The following ITLN1 variants were observed in gnomAD, a reference collection of about 807,000 sequenced individuals.
ITLN1 encodes the protein intelectin-1.
ITLN1 carries 29 observed loss-of-function variants against 36.2 expected under a neutral mutation model. The ratio of observed to expected loss-of-function variants is 0.80; its 90% CI spans 0.60 to 1.09. The LOEUF is 1.09. ITLN1 is among the 50% of genes least tolerant of loss of function. ITLN1 has a pLI of 0.00. For synonymous variants in ITLN1, 143 were observed against 146.5 expected (o/e 0.98, Z 0.17); for missense variants, 358 against 405.2 (o/e 0.88, Z 1.00).
intron 6 of ITLN1, among the ~76,000 whole-genome samples, chr1:160,880,028 G>A (rs143092557): frequency 7.9e-5 from 12 of 152,196 alleles, no homozygotes; most frequent in East Asian, 1.9e-4. Context: ...GAGCCTGGCC[G>A]GGCGTGGTGG....
intron 2 of ITLN1, among the ~76,000 whole-genome samples, chr1:160,884,169 G>A (rs1361854559): frequency 2.6e-5 from 4 of 151,766 alleles, no homozygotes; most frequent in Non-Finnish European, 4.4e-5. Flanking sequence ...AAAATACAGC[G>A]TAGTCCAGCT....
In ITLN1 at chr1:160,876,740, C is replaced by T; in HGVS notation, c.866G>A (p.Ser289Asn). 5 of 1,614,188 alleles carry T rather than the reference C, an allele frequency of 3.1e-6. No individual in the cohort carries two copies. Among genetic ancestry groups the T allele is most frequent in the African/African-American group, 2.7e-5 (2 of 75,050 alleles). Residue 289 changes from serine (S) to asparagine (N), a missense_variant, in exon 8 of 8, where the codon AGT becomes AAT. Physicochemically the swap from Ser to Asn is conservative, Grantham distance 46. Transcript: ENST00000326245. ...GTAACCAACATGAGTTCCATATCCACTCCAATCAAAACCAGAAAAATCTCC... is the reference window on the plus strand; with the variant it reads ...GTAACCAACATGAGTTCCATATCCATTCCAATCAAAACCAGAAAAATCTCC... Reference protein sequence around the residue: ...QCGDFSGFDWSGYGTHVGYSS... With the variant: ...QCGDFSGFDWNGYGTHVGYSS...
Position 160,883,474 on chromosome 1 carries a change from C to T in ITLN1, c.111G>A (p.Leu37=). ...KEWTCSSSPS[L]PRSCKEIKDE... ...CTTTGATTTCCTTGCAGCTTCTGGG[C>T]AGAGATGGAGACGAAGAACAGGTCC... The change falls in exon 3 of 8, where the codon CTG becomes CTA. Residue 37 remains leucine, a synonymous_variant. Coordinates refer to ENST00000326245, the MANE Select transcript of ITLN1 (RefSeq NM_017625.3). 1.2e-6 allele frequency: 2 copies of T among 1,613,760 alleles called. No homozygotes were observed. The highest frequency in any genetic ancestry group is 1.7e-6 in the Non-Finnish European group (2 of 1,179,726).
At chr1:160,879,530 T>G in intron 6 of ITLN1, 116 bp from the exon 7 acceptor site, 2 of 758,208 alleles carry the variant, frequency 2.6e-6, no homozygotes, top group African/African-American at 1.7e-5. Context: ...ACTCCAGCTG[T>G]ACTGGTGGAG....
Position 160,876,583 on chromosome 1 carries a change from T to C in ITLN1, c.*81A>G. 7.2e-7 allele frequency: 1 copy of C among 1,389,108 alleles called. No individual in the cohort carries two copies. The highest frequency in any genetic ancestry group is 1.3e-5 in the South Asian group (1 of 79,672). 86.0% of individuals were successfully genotyped at this position (1,389,108 alleles called of 1,614,324 possible). A position where few individuals can be genotyped will look rare whatever the true frequency, so the allele number is the denominator to read the frequency against. On this transcript the variant is annotated 3_prime_UTR_variant, in exon 8 of 8. Coordinates refer to ENST00000326245, the MANE Select transcript of ITLN1 (RefSeq NM_017625.3). The stretch of plus-strand genomic sequence containing the variant: ...TTGTTTTCTCTTCTGCCATTAACAT[T>C]CTAGCTACTGGGTAAGTTGTTCTCC...
At chr1:160,877,727 C>A (rs1338619740) in intron 7 of ITLN1, among the ~76,000 whole-genome samples, 1 of 152,186 alleles carries the variant, frequency 6.6e-6, no homozygotes, top group African/African-American at 2.4e-5. Context: ...AATCTCATGT[C>A]GAATTGTAAT....
At chr1:160,884,386 C>T (rs73029707) in intron 2 of ITLN1, among the ~76,000 whole-genome samples, 1,564 of 152,004 alleles carry the variant, frequency 0.01, 26 homozygotes, top group African/African-American at 0.036. Context: ...GAAGATATTT[C>T]GAAACAGCCT....
Position 160,876,605 on chromosome 1 carries a change from C to T in ITLN1, c.*59G>A. 6.4e-7 allele frequency: 1 copy of T among 1,556,220 alleles called. No homozygotes were observed. The highest frequency in any genetic ancestry group is 1.1e-5 in the South Asian group (1 of 87,998). On this transcript the variant is annotated 3_prime_UTR_variant, in exon 8 of 8. Coordinates refer to ENST00000326245, the MANE Select transcript of ITLN1 (RefSeq NM_017625.3). ...CATTCTAGCTACTGGGTAAGTTGTT[C>T]TCCATCCTTGGGATCTCATGGTTGG...
chr1:160,880,780 T>TGGTAATG, intron 5 of ITLN1, 72 bp from the exon 6 acceptor site: 1 of 1,537,004 alleles, frequency 6.5e-7, no homozygotes, highest in Non-Finnish European at 8.9e-7. Context: ...CCTGGGATGC[T>TGGTAATG]GCCATTCATA....
Position 160,879,291 on chromosome 1 carries a change from CA to C in ITLN1, c.789+19del, listed in dbSNP as rs1256837742. On this transcript the variant is annotated intron_variant, in intron 7 of 7. Coordinates refer to ENST00000326245, the MANE Select transcript of ITLN1 (RefSeq NM_017625.3). ...ACTCGACCTTACTCACAGGTCCCTG[CA>C]GTCCCCACAGAGACTCACGTGCTCA... is the stretch of plus-strand genomic sequence containing the variant. 1.9e-6 allele frequency: 3 copies of C among 1,578,450 alleles called. No individual in the cohort carries two copies. The highest frequency in any genetic ancestry group is 2.6e-6 in the Non-Finnish European group (3 of 1,147,706).
At chr1:160,878,313 C>A (rs1309827382) in intron 7 of ITLN1, among the ~76,000 whole-genome samples, 2 of 152,096 alleles carry the variant, frequency 1.3e-5, no homozygotes, top group African/African-American at 2.4e-5. Flanking sequence ...TACGGTACAG[C>A]CTGCAGAACC....
In ITLN1 at chr1:160,881,577, G is replaced by A. The variant is rs543351098; in HGVS notation, c.406-265C>T. The A allele has an allele frequency of 3.2e-4, 160 of 494,416 alleles. 2 individuals carry two copies. The highest frequency in any genetic ancestry group is 2.8e-3 in the African/African-American group (144 of 50,578). 30.6% of individuals were successfully genotyped at this position (494,416 alleles called of 1,614,324 possible). A position where few individuals can be genotyped will look rare whatever the true frequency, so the allele number is the denominator to read the frequency against. ...TAATCCCAGCACTTTGGGAGACCAA[G>A]GCGGGCAGGTCACTTGAGGTCAGGA... On this transcript the variant is annotated intron_variant, in intron 4 of 7. Transcript: ENST00000326245.
intron 7 of ITLN1, among the ~76,000 whole-genome samples, chr1:160,877,563 A>G (rs532748408): frequency 1.3e-3 from 196 of 147,366 alleles, no homozygotes; most frequent in Admixed American, 3.9e-3. Flanking sequence ...AGAGTTAATT[A>G]TATCCCTCAT....
At chr1:160,880,800 C>T in intron 5 of ITLN1, 92 bp from the exon 6 acceptor site, 1 of 1,401,584 alleles carries the variant, frequency 7.1e-7, no homozygotes, top group Non-Finnish European at 9.9e-7. Context: ...AGAGGAGAAA[C>T]AATGCTTTCT....
intron 3 of ITLN1, among the ~76,000 whole-genome samples, chr1:160,882,538 A>C (rs952121441): frequency 1.3e-5 from 2 of 152,252 alleles, no homozygotes; most frequent in Non-Finnish European, 2.9e-5. Flanking sequence ...ACCAGTGTTC[A>C]TTGCAGCATT....
chr1:160,881,804 G>GAAAA (rs56380748), intron 4 of ITLN1, among the ~76,000 whole-genome samples, 153 bp downstream of exon 4: 2,102 of 125,066 alleles, frequency 0.017, 46 homozygotes, highest in African/African-American at 0.052. Context: ...TCCGTCTCAA[G>GAAAA]AAAAAAAAAA....
In ITLN1 at chr1:160,883,538, A is replaced by G; in HGVS notation, c.59-12T>C. On this transcript the variant is annotated splice_polypyrimidine_tract_variant and intron_variant, in intron 2 of 7. Coordinates refer to ENST00000326245, the MANE Select transcript of ITLN1 (RefSeq NM_017625.3). The stretch of plus-strand genomic sequence containing the variant: ...AGTATTAGCCTCATCTAGGGAATAC[A>G]CAGGGTTTATTCTCATTCCCGGTTT... 2 of 1,564,638 alleles carry G rather than the reference A, an allele frequency of 1.3e-6. No individual in the cohort carries two copies. The highest frequency in any genetic ancestry group is 1.1e-5 in the South Asian group (1 of 90,094).
chr1:160,883,511 T>C lies in ITLN1; in HGVS notation c.74A>G (p.Tyr25Cys). The change falls in exon 3 of 8, where the codon TAC becomes TGC. Residue 25 changes from tyrosine to cysteine, a missense_variant. Physicochemically the swap from Tyr to Cys is radical, Grantham distance 194 (BLOSUM62 -2). Coordinates refer to ENST00000326245, the MANE Select transcript of ITLN1 (RefSeq NM_017625.3). ...RGWSTDEANT[Y>C]FKEWTCSSSP... ...CGAAGAACAGGTCCATTCCTTGAAG[T>C]AAGTATTAGCCTCATCTAGGGAATA... The C allele has an allele frequency of 2.5e-6, 4 of 1,611,374 alleles. No homozygotes were observed. Among genetic ancestry groups the C allele is most frequent in the Non-Finnish European group, 3.4e-6 (4 of 1,177,606 alleles).
chr1:160,878,718 AT>A (rs35214362), intron 7 of ITLN1, among the ~76,000 whole-genome samples: 89,929 of 151,912 alleles, frequency 0.59, 28,138 homozygotes, highest in Non-Finnish European at 0.68. Flanking sequence ...GAATGGACTA[AT>A]TACAACTGGT....
Sources: allele counts gnomAD v4.1 joint callset (sites outside exome capture counted in the v4.1 genomes callset), GRCh38; gene constraint gnomAD v4.1.1; transcripts MANE v1.5; gene names NCBI Gene and HGNC (gene_info 2026-07-23, HGNC 2026-07-21).